The following SLC5A1 variants were observed in gnomAD, a reference collection of about 807,000 sequenced individuals.
The protein encoded by SLC5A1 is sodium/glucose cotransporter 1.
Under a neutral mutation model 73.5 loss-of-function variants are expected in SLC5A1, and 42 were observed. The ratio of observed to expected loss-of-function variants is 0.57; its 90% CI spans 0.45 to 0.74. SLC5A1 has a LOEUF of 0.74. Among genes scored for constraint, SLC5A1 ranks in the 30% least tolerant of loss-of-function variants. The pLI is 0.00. For synonymous variants in SLC5A1, 300 were observed against 317.4 expected (o/e 0.95, Z 0.58); for missense variants, 634 against 855.4 (o/e 0.74, Z 3.23).
At chr22:32,087,190 T>C (rs2094009668) in intron 10 of SLC5A1, among the ~76,000 whole-genome samples, 1 of 152,204 alleles carries the variant, frequency 6.6e-6, no homozygotes, top group African/African-American at 2.4e-5. Context: ...ACATAGTGAC[T>C]ATAGTTAATA....
intron 14 of SLC5A1, among the ~76,000 whole-genome samples, chr22:32,107,308 G>A (rs1459538997): frequency 6.6e-6 from 1 of 152,226 alleles, no homozygotes; most frequent in Non-Finnish European, 1.5e-5. Flanking sequence ...TGTGGAAGAA[G>A]AGATTATTTT....
chr22:32,099,598 ATTT>A (rs1282912206), intron 12 of SLC5A1, among the ~76,000 whole-genome samples: 1 of 151,238 alleles, frequency 6.6e-6, no homozygotes, highest in Non-Finnish European at 1.5e-5. Flanking sequence ...TTTCTTAAAA[ATTT>A]TTTTTAATAG....
At chr22:32,070,836 C>T (rs1054139211) in intron 5 of SLC5A1, among the ~76,000 whole-genome samples, 1 of 151,830 alleles carries the variant, frequency 6.6e-6, no homozygotes, top group African/African-American at 2.4e-5. Context: ...TTTTTTTTGT[C>T]CCCAAGGTGA....
At position 32,110,583 on chromosome 22, in the gene SLC5A1, G is replaced by T; in HGVS notation, c.*370G>T. Reference sequence around the variant, plus strand: ...CTTGAATATTGTTTTAGAAACTTTGGTCTCCCTGGTTCCTGCCACTTTTCC... The same window carrying T: ...CTTGAATATTGTTTTAGAAACTTTGTTCTCCCTGGTTCCTGCCACTTTTCC... On this transcript the variant is annotated 3_prime_UTR_variant, in exon 15 of 15. Coordinates refer to ENST00000266088, the MANE Select transcript of SLC5A1 (RefSeq NM_000343.4). 1 of 319,142 alleles carries T rather than the reference G, an allele frequency of 3.1e-6. No individual in the cohort carries two copies. The highest frequency in any genetic ancestry group is 8.1e-5 in the East Asian group (1 of 12,386). The allele number at this position is 319,142 out of a possible 1,614,324, so 19.8% of individuals were successfully genotyped here.
chr22:32,103,828 A>G (rs1003181769), intron 13 of SLC5A1, among the ~76,000 whole-genome samples: 2 of 152,078 alleles, frequency 1.3e-5, no homozygotes, highest in African/African-American at 4.8e-5. Flanking sequence ...AGTTGCAATT[A>G]CTCTTCTTTA....
intron 13 of SLC5A1, among the ~76,000 whole-genome samples, chr22:32,103,491 C>T (rs2094039949): frequency 6.6e-6 from 1 of 152,238 alleles, no homozygotes; most frequent in South Asian, 2.1e-4. Context: ...TCACAGTTGT[C>T]CACCCTTTAT....
intron 14 of SLC5A1, among the ~76,000 whole-genome samples, chr22:32,107,155 C>A (rs1249560963): frequency 6.6e-6 from 1 of 152,104 alleles, no homozygotes; most frequent in Non-Finnish European, 1.5e-5. Flanking sequence ...TGAAAACAGC[C>A]CCTTCCTGCC....
chr22:32,097,695 T>C (rs972070907), intron 11 of SLC5A1, among the ~76,000 whole-genome samples: 1 of 152,200 alleles, frequency 6.6e-6, no homozygotes, highest in Non-Finnish European at 1.5e-5. Flanking sequence ...AATAATAGTT[T>C]TTACTATTTA....
At chr22:32,101,941 C>G in intron 12 of SLC5A1, 81 bp from the exon 13 acceptor site, 2 of 1,087,570 alleles carry the variant, frequency 1.8e-6, no homozygotes, top group Admixed American at 3.6e-5. Context: ...TTTGCCTCTG[C>G]CTATGCCTCT....
Position 32,043,981 on chromosome 22 carries a change from T to C in SLC5A1, c.135+565T>C, listed in dbSNP as rs907314721. ...CCCAGGGGCTGGATCAAGTTAGAGA[T>C]GAGAAAGATGGGTGGAAAAGGAGGA... On this transcript the variant is annotated intron_variant, in intron 1 of 14. Coordinates refer to ENST00000266088, the MANE Select transcript of SLC5A1 (RefSeq NM_000343.4). The surrounding 1 kb of genome is among the most constrained non-coding windows in gnomAD (Gnocchi z 6.5). Among the ~76,000 whole-genome samples the C allele has an allele frequency of 6.6e-6, 1 of 151,762 alleles. No homozygotes were observed. The highest frequency in any genetic ancestry group is 1.5e-5 in the Non-Finnish European group (1 of 67,946).
At chr22:32,085,721 G>A (rs960813322) in intron 9 of SLC5A1, among the ~76,000 whole-genome samples, 1 of 151,874 alleles carries the variant, frequency 6.6e-6, no homozygotes, top group Non-Finnish European at 1.5e-5. Flanking sequence ...TCCTTAGTCA[G>A]AGCTCATCAG....
At chr22:32,071,793 T>C (rs2093983297) in intron 5 of SLC5A1, among the ~76,000 whole-genome samples, 1 of 152,170 alleles carries the variant, frequency 6.6e-6, no homozygotes, top group Non-Finnish European at 1.5e-5. Context: ...AATTGAGCCA[T>C]CTACTCTAGC....
intron 2 of SLC5A1, among the ~76,000 whole-genome samples, chr22:32,053,718 C>T (rs769734052): frequency 1.2e-4 from 19 of 152,066 alleles, no homozygotes; most frequent in Admixed American, 2.0e-4. Flanking sequence ...TGGTAGAAGT[C>T]GGAAGAGGCA....
chr22:32,106,809 A>C (rs575170188), intron 14 of SLC5A1, among the ~76,000 whole-genome samples: 3 of 152,114 alleles, frequency 2.0e-5, no homozygotes, highest in Non-Finnish European at 4.4e-5. Flanking sequence ...GTGCAGAGCT[A>C]TGGGGGCTCA....
At chr22:32,098,103 C>G (rs1455905396) in intron 11 of SLC5A1, among the ~76,000 whole-genome samples, 1 of 152,180 alleles carries the variant, frequency 6.6e-6, no homozygotes, top group Admixed American at 6.5e-5. Flanking sequence ...GCTAGCAATG[C>G]AAAACAGTAG....
At chr22:32,076,146 T>C (rs2093990581) in intron 5 of SLC5A1, among the ~76,000 whole-genome samples, 1 of 151,916 alleles carries the variant, frequency 6.6e-6, no homozygotes, top group Non-Finnish European at 1.5e-5. Context: ...TCCAGTGGGG[T>C]TGTAATTAAT....
chr22:32,071,175 G>A (rs552445472), intron 5 of SLC5A1, among the ~76,000 whole-genome samples: 2 of 152,324 alleles, frequency 1.3e-5, no homozygotes, highest in East Asian at 3.9e-4. Context: ...AACGAGGCTG[G>A]GTGCGGTGGC....
chr22:32,051,806 C>T (rs1217090557), intron 2 of SLC5A1, among the ~76,000 whole-genome samples: 1 of 152,230 alleles, frequency 6.6e-6, no homozygotes, highest in Non-Finnish European at 1.5e-5. Context: ...TGCTGCTATG[C>T]AATCTCTGTC....
chr22:32,086,264 G>T lies in SLC5A1; in HGVS notation c.1066G>T (p.Gly356Cys). The T allele has an allele frequency of 1.9e-6, 3 of 1,614,018 alleles. No homozygotes were observed. The highest frequency in any genetic ancestry group is 2.5e-6 in the Non-Finnish European group (3 of 1,179,912). Residue 356 changes from glycine to cysteine, a missense_variant, in exon 10 of 15, where the codon GGT becomes TGT. Around this residue, in one of 3 missense-constraint regions of SLC5A1, gnomAD observed 422 missense variants for 626.1 expected, o/e 0.67. Transcript: ENST00000266088. ...VVPSECEKYC[G>C]TKVGCTNIAY... The stretch of plus-strand genomic sequence containing the variant: ...CCCTTCAGAATGTGAGAAATATTGC[G>T]GTACCAAGGTTGGCTGTACCAACAT...
Sources: gnomAD v4.1 joint callset for allele counts (sites outside exome capture counted in the v4.1 genomes callset) on GRCh38, gnomAD v4.1.1 for gene constraint, gnomAD v4.1.1 regional missense constraint, Gnocchi (gnomAD v3.1) non-coding constraint, MANE v1.5 for transcripts, NCBI Gene and HGNC (gene_info 2026-07-23, HGNC 2026-07-21) for gene names.